The following METTL8 variants were observed in gnomAD, a reference collection of about 807,000 sequenced individuals.
METTL8 encodes the protein tRNA N(3)-cytidine methyltransferase METTL8, mitochondrial.
METTL8 carries 32 observed loss-of-function variants against 48.7 expected under a neutral mutation model. The observed-to-expected ratio is 0.66, with a 90% CI of 0.50 to 0.88. METTL8 has a LOEUF of 0.88. Ranked by LOEUF, METTL8 falls within the 40% of genes least tolerant of loss-of-function variation. METTL8 has a pLI of 0.00. For synonymous variants in METTL8, 136 were observed against 157.1 expected, an observed-to-expected ratio of 0.87 and a Z score of 1.01; for missense variants, 464 against 474.4, an observed-to-expected ratio of 0.98 and a Z score of 0.20.
intron 3 of METTL8, among the ~76,000 whole-genome samples, chr2:171,343,287 A>G (rs1414604949): frequency 6.6e-6 from 1 of 152,070 alleles, no homozygotes. Flanking sequence ...TAAAACTACA[A>G]AATTAGCCGG....
At chr2:171,367,746 C>T (rs796662223) in intron 2 of METTL8, among the ~76,000 whole-genome samples, 7 of 152,264 alleles carry the variant, frequency 4.6e-5, no homozygotes, top group African/African-American at 1.7e-4. Flanking sequence ...AACAATATCA[C>T]AAATGTTGGA....
intron 1 of METTL8, among the ~76,000 whole-genome samples, chr2:171,403,294 G>C (rs1689828318): frequency 6.6e-6 from 1 of 152,040 alleles, no homozygotes; most frequent in Non-Finnish European, 1.5e-5. Context: ...GATATGATGT[G>C]ACAAAAACAG....
At chr2:171,385,501 A>T (rs1211132057) in intron 2 of METTL8, among the ~76,000 whole-genome samples, 1 of 152,238 alleles carries the variant, frequency 6.6e-6, no homozygotes, top group Admixed American at 6.5e-5. Flanking sequence ...TTAAGAAGAA[A>T]AAAATGTAAA....
intron 1 of METTL8, among the ~76,000 whole-genome samples, chr2:171,409,393 C>A (rs1308475587): frequency 1.3e-5 from 2 of 151,988 alleles, no homozygotes; most frequent in Non-Finnish European, 2.9e-5. Flanking sequence ...AAAAATCCCA[C>A]AAAATAAAAT....
At chr2:171,345,513 T>C (rs1275601980) in intron 3 of METTL8, among the ~76,000 whole-genome samples, 1 of 152,174 alleles carries the variant, frequency 6.6e-6, no homozygotes, top group South Asian at 2.1e-4. Flanking sequence ...TAAAAGTATG[T>C]TTCTAAGAGC....
At chr2:171,362,566 A>T (rs200464191) in intron 2 of METTL8, among the ~76,000 whole-genome samples, 2 of 146,008 alleles carry the variant, frequency 1.4e-5, no homozygotes, top group South Asian at 4.4e-4. Context: ...TAAAAAAATA[A>T]AAATAAATAA....
intron 2 of METTL8, chr2:171,374,787 C>T (rs536371188): frequency 4.7e-6 from 3 of 636,602 alleles, no homozygotes; most frequent in Non-Finnish European, 8.3e-6. Flanking sequence ...TTTCACTCAG[C>T]ATAATTATTC....
chr2:171,346,045 T>G (rs2105435794), intron 3 of METTL8, among the ~76,000 whole-genome samples: 1 of 152,278 alleles, frequency 6.6e-6, no homozygotes, highest in Admixed American at 6.5e-5. Context: ...GTTTTTGTTT[T>G]TTGAGACAGG....
At chr2:171,379,591 A>T (rs1339841783) in intron 2 of METTL8, among the ~76,000 whole-genome samples, 1 of 152,198 alleles carries the variant, frequency 6.6e-6, no homozygotes, top group African/African-American at 2.4e-5. Flanking sequence ...GACCCACGGA[A>T]ATACAAACTA....
At chr2:171,365,806 C>G (rs145384546) in intron 2 of METTL8, among the ~76,000 whole-genome samples, 2 of 152,192 alleles carry the variant, frequency 1.3e-5, no homozygotes, top group South Asian at 4.1e-4. Flanking sequence ...TATAAAGCAA[C>G]TGCTTTTAAA....
intron 3 of METTL8, among the ~76,000 whole-genome samples, chr2:171,341,412 T>C (rs1686753227): frequency 6.6e-6 from 1 of 152,086 alleles, no homozygotes; most frequent in African/African-American, 2.4e-5. Context: ...ATTTATTTTA[T>C]ATTTTTAGTA....
chr2:171,371,099 T>C (rs1260531865), intron 2 of METTL8, among the ~76,000 whole-genome samples: 1 of 152,212 alleles, frequency 6.6e-6, no homozygotes, highest in Non-Finnish European at 1.5e-5. Context: ...AATTTTAAGA[T>C]GCACAAACTG....
chr2:171,378,643 T>TA (rs923828255), intron 2 of METTL8, among the ~76,000 whole-genome samples: 3 of 150,552 alleles, frequency 2.0e-5, no homozygotes, highest in African/African-American at 4.9e-5. Context: ...AAAATAAAAA[T>TA]AAAAAAATAA....
At chr2:171,371,836 C>CAATTATTAT (rs1553518532) in intron 2 of METTL8, among the ~76,000 whole-genome samples, 1 of 143,856 alleles carries the variant, frequency 7.0e-6, no homozygotes, top group African/African-American at 2.5e-5. Flanking sequence ...GTTATTATTA[C>CAATTATTAT]TATTATTATT....
rs2105367705 is a variant in METTL8 at position 171,317,213 on chromosome 2, GT to G, written c.*6958del. ...GCCCAAAGGGTGACTGTCCTCCAGT[GT>G]TTTTTGAAACAACCAACACTTGATA... On this transcript the variant is annotated 3_prime_UTR_variant, in exon 10 of 10. Transcript: ENST00000375258. Among the ~76,000 whole-genome samples the G allele has an allele frequency of 6.6e-6, 1 of 152,276 alleles. No homozygotes were observed. Among genetic ancestry groups the G allele is most frequent in the South Asian group, 2.1e-4 (1 of 4,826 alleles).
intron 1 of METTL8, among the ~76,000 whole-genome samples, chr2:171,433,555 G>C (rs943211300): frequency 6.6e-6 from 1 of 152,166 alleles, no homozygotes; most frequent in South Asian, 2.1e-4. Flanking sequence ...CATACAGGCA[G>C]GGCTAGTTAA....
chr2:171,361,510 T>C (rs553916744), intron 2 of METTL8, among the ~76,000 whole-genome samples: 1 of 152,316 alleles, frequency 6.6e-6, no homozygotes, highest in East Asian at 1.9e-4. Context: ...GTTAGGATGA[T>C]CATAATTATA....
chr2:171,358,032 T>C (rs996888373), intron 3 of METTL8, among the ~76,000 whole-genome samples: 6 of 151,900 alleles, frequency 3.9e-5, no homozygotes, highest in Admixed American at 1.3e-4. Flanking sequence ...AGATCCAGAA[T>C]AGCCAAAGCA....
chr2:171,370,589 A>G (rs1268862292), intron 2 of METTL8, among the ~76,000 whole-genome samples: 1 of 152,148 alleles, frequency 6.6e-6, no homozygotes, highest in Admixed American at 6.6e-5. Flanking sequence ...AAGGAGATCG[A>G]GACCATCCTG....
Sources: allele counts gnomAD v4.1 joint callset (sites outside exome capture counted in the v4.1 genomes callset), GRCh38; gene constraint gnomAD v4.1.1; transcripts MANE v1.5; gene names NCBI Gene and HGNC (gene_info 2026-07-23, HGNC 2026-07-21).